The following MDGA2 variants were observed in gnomAD, a reference collection of about 807,000 sequenced individuals.
The protein encoded by MDGA2 is MAM domain-containing glycosylphosphatidylinositol anchor protein 2.
A neutral mutation model predicts 117.8 loss-of-function variants in MDGA2; 40 were observed. The ratio of observed to expected loss-of-function variants is 0.34; its 90% CI spans 0.26 to 0.44. The LOEUF is 0.44. MDGA2 is among the 20% of genes least tolerant of loss of function. MDGA2 has a pLI of 1.00. For synonymous variants in MDGA2, 452 were observed against 439.0 expected (o/e 1.03, Z -0.37); for missense variants, 1,123 against 1,250.6 (o/e 0.90, Z 1.54).
intron 9 of MDGA2, among the ~76,000 whole-genome samples, chr14:46,953,367 A>G (rs879688000): frequency 1.3e-5 from 2 of 151,836 alleles, no homozygotes; most frequent in Non-Finnish European, 2.9e-5. Flanking sequence ...GAATCTTAAA[A>G]TGTCTCCATT....
At chr14:47,034,409 T>A (rs183972924) in intron 8 of MDGA2, among the ~76,000 whole-genome samples, 3 of 152,264 alleles carry the variant, frequency 2.0e-5, no homozygotes, top group East Asian at 3.9e-4. Context: ...CCCGCTAAGA[T>A]TAAATCAGGC....
chr14:46,968,677 C>CAAAA (rs34010287), intron 8 of MDGA2, among the ~76,000 whole-genome samples: 80 of 147,656 alleles, frequency 5.4e-4, no homozygotes, highest in African/African-American at 1.6e-3. Context: ...ACTAAAAATA[C>CAAAA]AAAAAAAAAA....
chr14:47,665,240 G>GT (rs1897922239), intron 1 of MDGA2, among the ~76,000 whole-genome samples: 1 of 152,114 alleles, frequency 6.6e-6, no homozygotes. Context: ...AATAGGAAAT[G>GT]TAATTCCTCT....
intron 9 of MDGA2, among the ~76,000 whole-genome samples, chr14:46,941,357 T>C (rs867723384): frequency 6.6e-6 from 1 of 152,212 alleles, no homozygotes; most frequent in Non-Finnish European, 1.5e-5. Flanking sequence ...AAACGTCTAT[T>C]GACTTTCTCA....
chr14:47,527,896 G>C (rs1409368880), intron 1 of MDGA2, among the ~76,000 whole-genome samples: 1 of 152,120 alleles, frequency 6.6e-6, no homozygotes, highest in Admixed American at 6.5e-5. Context: ...TAAAAGGAGT[G>C]GGTAAAAGCC....
intron 12 of MDGA2, among the ~76,000 whole-genome samples, chr14:46,874,522 C>T (rs910924908): frequency 6.6e-6 from 1 of 151,670 alleles, no homozygotes; most frequent in Non-Finnish European, 1.5e-5. Flanking sequence ...TCCCAACTTT[C>T]ATTTTGTCAG....
intron 1 of MDGA2, among the ~76,000 whole-genome samples, chr14:47,504,140 A>AT (rs1219795877): frequency 6.6e-5 from 10 of 152,190 alleles, no homozygotes; most frequent in Non-Finnish European, 1.5e-4. Context: ...CAAGGATCAA[A>AT]TTGCTCTAAA....
chr14:47,413,647 T>G (rs1892417715), intron 1 of MDGA2, among the ~76,000 whole-genome samples: 1 of 149,434 alleles, frequency 6.7e-6, no homozygotes, highest in African/African-American at 2.5e-5. Flanking sequence ...TGATGCTATA[T>G]TTATTATAAG....
intron 1 of MDGA2, among the ~76,000 whole-genome samples, chr14:47,352,710 C>T (rs1890910597): frequency 6.6e-6 from 1 of 152,150 alleles, no homozygotes; most frequent in Admixed American, 6.5e-5. Context: ...AGTAAAGTTA[C>T]TACAATACTA....
At chr14:46,941,654 T>C (rs1885004804) in intron 9 of MDGA2, among the ~76,000 whole-genome samples, 1 of 152,092 alleles carries the variant, frequency 6.6e-6, no homozygotes, top group Non-Finnish European at 1.5e-5. Context: ...TACCGGAAAA[T>C]CTAAATGTGC....
rs571992796 is a variant in MDGA2 at position 47,542,134 on chromosome 14, A to G, written c.280+132383T>C. Reference sequence around the variant, plus strand: ...ACCATGAAGGAGGAGGATAAGGAATAAGAAACAATTATTATTTTGTTACGA... The same window carrying G: ...ACCATGAAGGAGGAGGATAAGGAATGAGAAACAATTATTATTTTGTTACGA... On this transcript the variant is annotated intron_variant, in intron 1 of 16. Transcript: ENST00000399232. 3.3e-5 allele frequency among the ~76,000 whole-genome samples: 5 copies of G among 152,338 alleles called. No homozygotes were observed. The South Asian group carries it at 8.3e-4, about 25-fold the overall frequency.
At chr14:47,588,030 C>A (rs1896358568) in intron 1 of MDGA2, among the ~76,000 whole-genome samples, 1 of 151,502 alleles carries the variant, frequency 6.6e-6, no homozygotes, top group Non-Finnish European at 1.5e-5. Context: ...AAGGTTCATC[C>A]ATATTGTGGC....
intron 1 of MDGA2, among the ~76,000 whole-genome samples, chr14:47,622,671 A>C (rs921222571): frequency 1.3e-5 from 2 of 152,180 alleles, no homozygotes; most frequent in African/African-American, 2.4e-5. Context: ...ACTACAGAAA[A>C]TAAGTAGGGA....
intron 4 of MDGA2, among the ~76,000 whole-genome samples, chr14:47,143,839 A>T (rs1476139938): frequency 1.3e-5 from 2 of 152,226 alleles, no homozygotes; most frequent in African/African-American, 4.8e-5. Context: ...ATTAAAAAAA[A>T]GTTAGGACAT....
intron 4 of MDGA2, among the ~76,000 whole-genome samples, chr14:47,143,746 G>A (rs1286553206): frequency 1.3e-5 from 2 of 151,666 alleles, no homozygotes; most frequent in African/African-American, 2.4e-5. Flanking sequence ...CTCTCCTTTT[G>A]AGAAATACTT....
chr14:47,491,899 G>A (rs1194226081), intron 1 of MDGA2, among the ~76,000 whole-genome samples: 1 of 152,018 alleles, frequency 6.6e-6, no homozygotes, highest in Non-Finnish European at 1.5e-5. Flanking sequence ...TTTGACCACA[G>A]TGTTGGGGTA....
chr14:47,217,981 A>G (rs1886160065), intron 3 of MDGA2, 40 bp downstream of exon 3: 2 of 1,444,570 alleles, frequency 1.4e-6, no homozygotes, highest in Admixed American at 2.4e-5. Context: ...AAAGAAATCC[A>G]TAATAGGCTT....
intron 7 of MDGA2, among the ~76,000 whole-genome samples, chr14:47,055,499 T>A (rs1012988043): frequency 2.0e-5 from 3 of 152,250 alleles, no homozygotes; most frequent in East Asian, 3.9e-4. Flanking sequence ...CTATAACTTC[T>A]ATAGTTTATT....
intron 1 of MDGA2, among the ~76,000 whole-genome samples, chr14:47,558,879 A>AT (rs1566514370): frequency 6.6e-6 from 1 of 152,104 alleles, no homozygotes; most frequent in Non-Finnish European, 1.5e-5. Flanking sequence ...TTCCTGTTTG[A>AT]TTTTTTTAAA....
Sources: allele counts gnomAD v4.1 joint callset (sites outside exome capture counted in the v4.1 genomes callset), GRCh38; gene constraint gnomAD v4.1.1; transcripts MANE v1.5; gene names NCBI Gene and HGNC (gene_info 2026-07-23, HGNC 2026-07-21).